The following PRKG1 variants were observed in gnomAD, a reference collection of about 807,000 sequenced individuals.
PRKG1 encodes the protein cGMP-dependent protein kinase 1.
A neutral mutation model predicts 88.1 loss-of-function variants in PRKG1; 35 were observed. The ratio of observed to expected loss-of-function variants is 0.40; its 90% CI spans 0.30 to 0.53. PRKG1 has a LOEUF of 0.53. PRKG1 is among the 20% of genes least tolerant of loss of function. The pLI is 0.59. For synonymous variants in PRKG1, 303 were observed against 292.5 expected (o/e 1.04, Z -0.37); for missense variants, 540 against 839.8 (o/e 0.64, Z 4.41).
intron 5 of PRKG1, chr10:51,909,456 A>C (rs1842167107): frequency 6.6e-6 from 1 of 152,214 alleles, no homozygotes; most frequent in South Asian, 2.1e-4. Context: ...AAACCAAAAA[A>C]AAAAGAGATA....
chr10:51,335,231 A>C (rs1348684793), intron 2 of PRKG1, among the ~76,000 whole-genome samples: 1 of 151,554 alleles, frequency 6.6e-6, no homozygotes, highest in African/African-American at 2.4e-5. Flanking sequence ...AGGTTTCTTA[A>C]TTCCCCCAAA....
chr10:51,106,432 C>T (rs984192910), intron 1 of PRKG1, among the ~76,000 whole-genome samples: 5 of 152,132 alleles, frequency 3.3e-5, no homozygotes, highest in Non-Finnish European at 7.4e-5. Flanking sequence ...TTCTTTTTTT[C>T]GGGACTGAGA....
intron 1 of PRKG1, among the ~76,000 whole-genome samples, chr10:51,106,888 A>G (rs572882824): frequency 9.2e-4 from 140 of 152,326 alleles, no homozygotes; most frequent in African/African-American, 3.3e-3. Flanking sequence ...CAGGGACACA[A>G]TAGTGAACAG....
intron 2 of PRKG1, among the ~76,000 whole-genome samples, chr10:51,403,238 A>G (rs1837805482): frequency 6.6e-6 from 1 of 152,212 alleles, no homozygotes; most frequent in South Asian, 2.1e-4. Flanking sequence ...GATGATTTGC[A>G]AAGTTAAATA....
At chr10:51,719,156 A>AAAAAGAG (rs57226820) in intron 3 of PRKG1, among the ~76,000 whole-genome samples, 65,704 of 149,944 alleles carry the variant, frequency 0.44, 14,902 homozygotes, top group Middle Eastern at 0.56. Flanking sequence ...TCTCAAAAAA[A>AAAAAGAG]AGAGAGAGAG....
chr10:51,068,254 A>T (rs1336805303), intron 1 of PRKG1, among the ~76,000 whole-genome samples: 2 of 151,996 alleles, frequency 1.3e-5, no homozygotes, highest in African/African-American at 4.8e-5. Flanking sequence ...AAGCTAGGTG[A>T]TATTTACATG....
At chr10:51,873,917 A>AT (rs141952454) in intron 4 of PRKG1, among the ~76,000 whole-genome samples, 31 of 152,058 alleles carry the variant, frequency 2.0e-4, no homozygotes, top group African/African-American at 6.0e-4. Flanking sequence ...ATTTATTTGC[A>AT]TTTTTTTTAA....
intron 2 of PRKG1, among the ~76,000 whole-genome samples, chr10:51,441,859 T>G (rs1336970847): frequency 6.6e-6 from 1 of 152,008 alleles, no homozygotes; most frequent in Non-Finnish European, 1.5e-5. Context: ...ATTTTGCCTC[T>G]CATAGTTTCT....
intron 3 of PRKG1, among the ~76,000 whole-genome samples, chr10:51,509,997 T>C (rs1412712950): frequency 6.6e-6 from 1 of 152,188 alleles, no homozygotes; most frequent in Non-Finnish European, 1.5e-5. Context: ...AAGACTGAGA[T>C]GCAGGAAGCA....
chr10:52,036,082 T>A (rs541562219), intron 5 of PRKG1, among the ~76,000 whole-genome samples: 1 of 152,004 alleles, frequency 6.6e-6, no homozygotes, highest in African/African-American at 2.4e-5. Context: ...AGGTAACAGA[T>A]GAGGAAGAAA....
intron 2 of PRKG1, among the ~76,000 whole-genome samples, chr10:51,234,504 T>C (rs1838931045): frequency 6.6e-6 from 1 of 152,182 alleles, no homozygotes; most frequent in Admixed American, 6.6e-5. Flanking sequence ...TTAGATTTGA[T>C]AGCTGGGTTG....
intron 5 of PRKG1, among the ~76,000 whole-genome samples, chr10:51,970,103 AT>A (rs1302212527): frequency 6.6e-6 from 1 of 151,720 alleles, no homozygotes; most frequent in African/African-American, 2.4e-5. Context: ...TATGTTATAT[AT>A]ATCATGGCCC....
At chr10:51,621,009 G>GTGTATA (rs890337361) in intron 3 of PRKG1, among the ~76,000 whole-genome samples, 3 of 121,902 alleles carry the variant, frequency 2.5e-5, no homozygotes, top group African/African-American at 5.7e-5. Flanking sequence ...GTATATGTGT[G>GTGTATA]TATATATATA....
At chr10:51,307,854 C>T (rs1476345693) in intron 2 of PRKG1, among the ~76,000 whole-genome samples, 2 of 151,948 alleles carry the variant, frequency 1.3e-5, no homozygotes, top group African/African-American at 4.8e-5. Flanking sequence ...ATTAATATAG[C>T]CTCAAGGAAA....
intron 3 of PRKG1, among the ~76,000 whole-genome samples, chr10:51,572,157 C>A (rs546081647): frequency 1.8e-4 from 27 of 151,890 alleles, no homozygotes; most frequent in African/African-American, 6.3e-4. Context: ...TTGTAAATTT[C>A]TGAGTAAAAC....
chr10:51,908,365 T>TA (rs1470257114), intron 5 of PRKG1: 1 of 152,140 alleles, frequency 6.6e-6, no homozygotes, highest in Non-Finnish European at 1.5e-5. Context: ...GAAAATGTCA[T>TA]ACAGGAATAG....
chr10:51,981,545 C>T (rs1413239656), intron 5 of PRKG1, among the ~76,000 whole-genome samples: 1 of 152,012 alleles, frequency 6.6e-6, no homozygotes, highest in East Asian at 1.9e-4. Flanking sequence ...AAGATCACGC[C>T]ACTGTGCTTC....
At chr10:51,364,691 G>T (rs1842553556) in intron 2 of PRKG1, among the ~76,000 whole-genome samples, 1 of 151,804 alleles carries the variant, frequency 6.6e-6, no homozygotes, top group Non-Finnish European at 1.5e-5. Flanking sequence ...CCTATAGATA[G>T]AAAAAAATAA....
chr10:51,173,754 T>C (rs1164064595), intron 2 of PRKG1, among the ~76,000 whole-genome samples: 6 of 151,760 alleles, frequency 4.0e-5, no homozygotes, highest in African/African-American at 1.2e-4. Flanking sequence ...TATCATAAAA[T>C]TACTAGATTT....
Sources: allele counts gnomAD v4.1 joint callset (sites outside exome capture counted in the v4.1 genomes callset), GRCh38; gene constraint gnomAD v4.1.1; transcripts MANE v1.5; gene names NCBI Gene and HGNC (gene_info 2026-07-23, HGNC 2026-07-21).